Variants in TH observed in about 807,000 individuals in gnomAD.
TH encodes tyrosine hydroxylase.
Under a neutral mutation model 57.4 loss-of-function variants are expected in TH, and 49 were observed. The ratio of observed to expected loss-of-function variants is 0.85; its 90% CI spans 0.68 to 1.08. TH has a LOEUF of 1.08. Ranked by LOEUF, TH falls within the 50% of genes least tolerant of loss-of-function variation. The probability of loss-of-function intolerance (pLI) is 0.00; values close to 1 mark genes in which losing one functional copy is unlikely to be tolerated. For synonymous variants in TH, 330 were observed against 304.5 expected (o/e 1.08, Z -0.87); for missense variants, 720 against 696.7 (o/e 1.03, Z -0.38).
chr11:2,165,391 G>T, intron 11 of TH, 26 bp from the exon 12 acceptor site: 1 of 1,605,922 alleles, frequency 6.2e-7, no homozygotes, highest in South Asian at 1.1e-5. Context: ...TGGCATCACT[G>T]ACTCCACTGC....
intron 2 of TH, 75 bp from the exon 3 acceptor site, chr11:2,168,740 G>GGGGT: frequency 2.2e-6 from 1 of 448,220 alleles, no homozygotes; most frequent in Non-Finnish European, 4.5e-6. Context: ...GGGTGGGCGG[G>GGGGT]GAGGAGGCAC....
chr11:2,165,873 G>C, intron 10 of TH, 110 bp from the exon 11 acceptor site: 1 of 1,501,342 alleles, frequency 6.7e-7, no homozygotes. Context: ...CCAGGATGCA[G>C]GCAGGCCAGG....
At position 2,170,599 on chromosome 11, in the gene TH, A is replaced by G; in HGVS notation, c.91-728T>C. 1 of 1,170,460 alleles carries G rather than the reference A, an allele frequency of 8.5e-7. No homozygotes were observed. The highest frequency in any genetic ancestry group is 2.5e-5 in the East Asian group (1 of 39,498). 72.5% of individuals were successfully genotyped at this position (1,170,460 alleles called of 1,614,324 possible). ...CCCAAGAAGGCTCTGGGCCCCTTGT[A>G]AGAGAAGAATCAGCTTCATCCTGAG... On this transcript the variant is annotated intron_variant, in intron 1 of 12. Coordinates refer to ENST00000352909, the MANE Select transcript of TH (RefSeq NM_000360.4). This position sits in a 1 kb window ranked among gnomAD's most constrained non-coding sequence, Gnocchi z 6.0.
rs554742061 is a variant in TH, at chr11:2,167,736, G to A, written c.644+130C>T. The A allele has an allele frequency of 4.0e-5, 50 of 1,258,818 alleles. No homozygotes were observed. The African/African-American group carries it at 6.2e-4, about 16-fold the overall frequency. The allele number at this position is 1,258,818 out of a possible 1,614,324, so 78.0% of individuals were successfully genotyped here. A position where few individuals can be genotyped will look rare whatever the true frequency, so the allele number is the denominator to read the frequency against. On this transcript the variant is annotated intron_variant, in intron 5 of 12. Coordinates refer to ENST00000352909, the MANE Select transcript of TH (RefSeq NM_000360.4). ...TGGGGACATGGAAAGCCCTGGAGCA[G>A]AGCTGCCTGGCAGGAGGCACTGATG...
rs772641972 is a variant in TH, at chr11:2,165,269, C to T, written c.1297G>A (p.Val433Met). ...QDQTYQSVYFVSESFSDAKDK... is the reference protein window; with the variant it reads ...QDQTYQSVYFMSESFSDAKDK... The stretch of plus-strand genomic sequence containing the variant: ...TTGGCGTCACTGAAGCTCTCAGACA[C>T]GAAGTAGACTGACTGGTACGTCTGG... The change falls in exon 12 of 13, where the codon GTG becomes ATG. Residue 433 changes from valine (V) to methionine (M), a missense_variant. By Grantham distance (21) the Val-to-Met change is conservative. Transcript: ENST00000352909. 2.4e-5 allele frequency: 39 copies of T among 1,612,798 alleles called. No homozygotes were observed. The highest frequency in any genetic ancestry group is 7.7e-5 in the South Asian group (7 of 91,092).
In TH at chr11:2,171,506, C is replaced by G. The variant is rs1333057205; in HGVS notation, c.90+191G>C. On this transcript the variant is annotated intron_variant, in intron 1 of 12. Coordinates refer to ENST00000352909, the MANE Select transcript of TH (RefSeq NM_000360.4). The surrounding 1 kb of genome is among the most constrained non-coding windows in gnomAD (Gnocchi z 8.6). ...GGACAGGCATCACCTCACCCTCCCC[C>G]AACAGGGACTCAAACACCAGGCACA... 2.0e-5 allele frequency among the ~76,000 whole-genome samples: 3 copies of G among 151,996 alleles called. No individual in the cohort carries two copies. The highest frequency in any genetic ancestry group is 7.2e-5 in the African/African-American group (3 of 41,384).
At position 2,167,472 on chromosome 11, in the gene TH, G is replaced by C. The variant is rs1207977484; in HGVS notation, c.658C>G (p.Pro220Ala). Residue 220 changes from proline (P) to alanine (A), a missense_variant, in exon 6 of 13, where the codon CCC (proline) becomes GCC (alanine). Coordinates refer to ENST00000352909, the MANE Select transcript of TH (RefSeq NM_000360.4). The part of the protein sequence containing the change: ...AFQYRHGDPI[P>A]RVEYTAEEIA... ...TCCTCGGCGGTGTACTCCACACGGGGAATCGGGTCGCCGCTGGGGAGGGGG... is the reference window on the plus strand; with the variant it reads ...TCCTCGGCGGTGTACTCCACACGGGCAATCGGGTCGCCGCTGGGGAGGGGG... 5 of 1,562,312 alleles carry C rather than the reference G, an allele frequency of 3.2e-6. No individual in the cohort carries two copies. The highest frequency in any genetic ancestry group is 4.3e-6 in the Non-Finnish European group (5 of 1,153,318).
At chr11:2,167,791 C>T in intron 5 of TH, 75 bp downstream of exon 5, 1 of 1,510,206 alleles carries the variant, frequency 6.6e-7, no homozygotes, top group Non-Finnish European at 9.0e-7. Flanking sequence ...TCCCCTTTGT[C>T]CTTCCCTCCC....
Position 2,166,900 on chromosome 11 carries a change from G to C in TH, c.828C>G (p.Ser276=), listed in dbSNP as rs747123916. The C allele has an allele frequency of 2.5e-6, 4 of 1,605,128 alleles. No individual in the cohort carries two copies. In the Admixed American group the frequency reaches 6.8e-5, roughly 27 times the overall value. ...GTCTGGGCACACCCTTCAGGAAGCG[G>C]GAGACGTCCTCCAGCTGGGGGATAT... ...EDNIPQLEDV[S]RFLKERTGFQ... Residue 276 remains serine (S), a synonymous_variant, in exon 7 of 13, where the codon TCC becomes TCG. Transcript: ENST00000352909.
chr11:2,171,698 A>G lies in TH; in HGVS notation c.89T>C (p.Met30Thr). The G allele has an allele frequency of 6.2e-7, 1 of 1,611,918 alleles. No individual in the cohort carries two copies. The highest frequency in any genetic ancestry group is 8.5e-7 in the Non-Finnish European group (1 of 1,179,754). Residue 30 changes from methionine (M) to threonine (T), a missense_variant and splice_region_variant, in exon 1 of 13, where the codon ATG becomes ACG. By Grantham distance (81) the Met-to-Thr change is moderately conservative. Transcript: ENST00000352909. The surrounding 1 kb of genome is among the most constrained non-coding windows in gnomAD (Gnocchi z 8.6). The stretch of plus-strand genomic sequence containing the variant: ...CCGGGCACCTACCTGCCCTCTTACC[A>G]TGATGGCCTCTGCCTGCTTGGCGTC... ...ELDAKQAEAI[M>T]SPRFIGRRQS...
In TH at chr11:2,166,906, G is replaced by A. The variant is rs776737582; in HGVS notation, c.822C>T (p.Asp274=). The A allele has an allele frequency of 7.5e-6, 12 of 1,604,926 alleles. No homozygotes were observed. In the Admixed American group the frequency reaches 1.2e-4, roughly 16 times the overall value. Residue 274 remains aspartate (D), a synonymous_variant, in exon 7 of 13, where the codon GAC becomes GAT. Coordinates refer to ENST00000352909, the MANE Select transcript of TH (RefSeq NM_000360.4). ...YREDNIPQLE[D]VSRFLKERTG... ...GCACACCCTTCAGGAAGCGGGAGAC[G>A]TCCTCCAGCTGGGGGATATTGTCTT...
chr11:2,165,029 T>A (rs1846047361), intron 12 of TH, among the ~76,000 whole-genome samples: 1 of 152,160 alleles, frequency 6.6e-6, no homozygotes, highest in Admixed American at 6.5e-5. Context: ...CAGCCCCCAG[T>A]CCTGTAGGTC....
rs1347143870 is a variant in TH, at chr11:2,164,098, G to T, written c.*135C>A. ...ACACAGCTGTTGCGCTGAGAAGCAG[G>T]TGCAGGGGCAGTGGGAGCCTGGCAG... On this transcript the variant is annotated 3_prime_UTR_variant, in exon 13 of 13. Transcript: ENST00000352909. 1 of 763,534 alleles carries T rather than the reference G, an allele frequency of 1.3e-6. No homozygotes were observed. The highest frequency in any genetic ancestry group is 1.9e-6 in the Non-Finnish European group (1 of 540,364). The allele number at this position is 763,534 out of a possible 1,614,324, so 47.3% of individuals were successfully genotyped here. A position where few individuals can be genotyped will look rare whatever the true frequency, so the allele number is the denominator to read the frequency against.
intron 8 of TH, 28 bp from the exon 9 acceptor site, chr11:2,166,577 AG>A (rs765943282): frequency 1.3e-6 from 2 of 1,592,146 alleles, no homozygotes; most frequent in Non-Finnish European, 1.7e-6. Flanking sequence ...AAGGGGGCTG[AG>A]GGGCCGCCCG....
Position 2,165,850 on chromosome 11 carries a change from C to T in TH, c.1105-87G>A. 6 of 1,528,984 alleles carry T rather than the reference C, an allele frequency of 3.9e-6. No homozygotes were observed. The South Asian group carries it at 5.9e-5, about 15-fold the overall frequency. The allele number at this position is 1,528,984 out of a possible 1,614,324, so 94.7% of individuals were successfully genotyped here. On this transcript the variant is annotated intron_variant, in intron 10 of 12. Coordinates refer to ENST00000352909, the MANE Select transcript of TH (RefSeq NM_000360.4). Reference sequence around the variant, plus strand: ...TCACCCGTGACCAGGATACCACCCCCAGGGAGGCCAGGCCAGGATGCAGGC... The same window carrying T: ...TCACCCGTGACCAGGATACCACCCCTAGGGAGGCCAGGCCAGGATGCAGGC...
At chr11:2,165,878 G>T in intron 10 of TH, 115 bp from the exon 11 acceptor site, 1 of 1,502,648 alleles carries the variant, frequency 6.7e-7, no homozygotes, top group Non-Finnish European at 9.1e-7. Flanking sequence ...ATGCAGGCAG[G>T]CCAGGGTGAG....
At position 2,163,958 on chromosome 11, in the gene TH, G is replaced by T; in HGVS notation, c.*275C>A. On this transcript the variant is annotated 3_prime_UTR_variant, in exon 13 of 13. Coordinates refer to ENST00000352909, the MANE Select transcript of TH (RefSeq NM_000360.4). The stretch of plus-strand genomic sequence containing the variant: ...GACCACAGTTTCTTTTATTGTGACG[G>T]TGATTGGGGCAGCAGACAGTGTCAG... 1 of 341,260 alleles carries T rather than the reference G, an allele frequency of 2.9e-6. No homozygotes were observed. Among genetic ancestry groups the T allele is most frequent in the Non-Finnish European group, 5.3e-6 (1 of 189,104 alleles). The allele number at this position is 341,260 out of a possible 1,614,324, so 21.1% of individuals were successfully genotyped here.
At position 2,170,638 on chromosome 11, in the gene TH, G is replaced by T; in HGVS notation, c.91-767C>A. ...CTTCATCCTGAGCTTCCAGGGTTGT[G>T]GAACATGAAGGGGAGCAGCAGAAGC... On this transcript the variant is annotated intron_variant, in intron 1 of 12. Coordinates refer to ENST00000352909, the MANE Select transcript of TH (RefSeq NM_000360.4). The surrounding 1 kb of genome is among the most constrained non-coding windows in gnomAD (Gnocchi z 6.0). 6.9e-7 allele frequency: 1 copy of T among 1,447,038 alleles called. No homozygotes were observed. The highest frequency in any genetic ancestry group is 9.6e-7 in the Non-Finnish European group (1 of 1,044,610). The allele number at this position is 1,447,038 out of a possible 1,614,324, so 89.6% of individuals were successfully genotyped here.
At chr11:2,165,189 T>C in intron 12 of TH, 43 bp downstream of exon 12, 1 of 1,612,170 alleles carries the variant, frequency 6.2e-7, no homozygotes, top group Non-Finnish European at 8.5e-7. Context: ...GCTGGCCCAG[T>C]TTGGGGGCAC....
Sources: gnomAD v4.1 joint callset for allele counts (sites outside exome capture counted in the v4.1 genomes callset) on GRCh38, gnomAD v4.1.1 for gene constraint, Gnocchi (gnomAD v3.1) non-coding constraint, MANE v1.5 for transcripts, NCBI Gene and HGNC (gene_info 2026-07-23, HGNC 2026-07-21) for gene names.